Variants in MYZAP observed in about 807,000 individuals in gnomAD.
The protein encoded by MYZAP is GRINL1A complex locus upstream.
Under a neutral mutation model 69.4 loss-of-function variants are expected in MYZAP, and 66 were observed. The observed-to-expected ratio is 0.95, with a 90% CI of 0.78 to 1.17. The LOEUF (loss-of-function observed/expected upper bound fraction) is 1.17. Among genes scored for constraint, MYZAP ranks in the 50% most tolerant of loss-of-function variants. MYZAP has a pLI of 0.00. For missense variants in MYZAP, 611 were observed against 556.2 expected, an observed-to-expected ratio of 1.10 and a Z score of -0.99; for synonymous variants, 256 against 205.9, an observed-to-expected ratio of 1.24 and a Z score of -2.09.
chr15:57,684,340 T>G (rs2039587368), intron 12 of MYZAP, 62 bp from the exon 13 acceptor site: 1 of 1,039,440 alleles, frequency 9.6e-7, no homozygotes, highest in Non-Finnish European at 1.5e-6. Context: ...TCTTACCATG[T>G]GAAGCATATG....
intron 10 of MYZAP, among the ~76,000 whole-genome samples, chr15:57,640,954 A>G (rs1264325742): frequency 1.3e-5 from 2 of 152,190 alleles, no homozygotes; most frequent in Admixed American, 1.3e-4. Flanking sequence ...TGTATTTTCC[A>G]AGGAAAAGCA....
At chr15:57,673,455 CGTGCATGCGTGT>C (rs1296400348) in intron 11 of MYZAP, among the ~76,000 whole-genome samples, 21 of 137,584 alleles carry the variant, frequency 1.5e-4, no homozygotes, top group African/African-American at 5.5e-4. Context: ...TGTGCGCATG[CGTGCATGCGTGT>C]GTGTGTGTGT....
At chr15:57,658,367 G>T (rs1263798959) in intron 10 of MYZAP, among the ~76,000 whole-genome samples, 1 of 152,042 alleles carries the variant, frequency 6.6e-6, no homozygotes, top group African/African-American at 2.4e-5. Context: ...CAAAATTAAT[G>T]ATAATTCCTT....
At chr15:57,681,831 G>T (rs1039008552) in intron 12 of MYZAP, among the ~76,000 whole-genome samples, 1 of 152,016 alleles carries the variant, frequency 6.6e-6, no homozygotes, top group Non-Finnish European at 1.5e-5. Flanking sequence ...TAATAGTGAT[G>T]TTCAAGGTGT....
intron 11 of MYZAP, among the ~76,000 whole-genome samples, chr15:57,666,717 A>G (rs1409269344): frequency 6.6e-6 from 1 of 152,142 alleles, no homozygotes; most frequent in Non-Finnish European, 1.5e-5. Flanking sequence ...CCTACTAGGT[A>G]CTATGCTTAT....
intron 4 of MYZAP, among the ~76,000 whole-genome samples, chr15:57,625,022 GACAGCAGCAACA>G (rs2036042606): frequency 6.6e-6 from 1 of 151,198 alleles, no homozygotes; most frequent in African/African-American, 2.4e-5. Context: ...ACCCAACAAA[GACAGCAGCAACA>G]ACAGCAGCAA....
intron 3 of MYZAP, among the ~76,000 whole-genome samples, chr15:57,620,758 A>T (rs920123658): frequency 1.7e-4 from 26 of 152,132 alleles, no homozygotes; most frequent in Non-Finnish European, 3.1e-4. Context: ...GTCAGGGCCG[A>T]TAGAGGGAAA....
chr15:57,660,923 CTT>C (rs2038263824), intron 10 of MYZAP, among the ~76,000 whole-genome samples: 1 of 152,176 alleles, frequency 6.6e-6, no homozygotes, highest in South Asian at 2.1e-4. Flanking sequence ...AATTTCAACA[CTT>C]TTAATGAGAC....
At chr15:57,666,639 TG>T (rs1187112803) in intron 11 of MYZAP, among the ~76,000 whole-genome samples, 1 of 151,794 alleles carries the variant, frequency 6.6e-6, no homozygotes, top group East Asian at 1.9e-4. Flanking sequence ...GACATAAACA[TG>T]GGAACGATAA....
chr15:57,635,593 A>G (rs1439229317), intron 8 of MYZAP, among the ~76,000 whole-genome samples: 1 of 152,212 alleles, frequency 6.6e-6, no homozygotes, highest in Non-Finnish European at 1.5e-5. Context: ...TTGGAAATGT[A>G]TTGTCCTTTC....
intron 1 of MYZAP, among the ~76,000 whole-genome samples, chr15:57,600,377 T>C (rs1292374051): frequency 6.6e-6 from 1 of 152,254 alleles, no homozygotes; most frequent in Non-Finnish European, 1.5e-5. Context: ...CAAATGTCTT[T>C]GAGGTCATAT....
At chr15:57,626,027 A>G (rs1183519899) in intron 5 of MYZAP, 135 bp downstream of exon 5, 13 of 774,342 alleles carry the variant, frequency 1.7e-5, no homozygotes, top group Non-Finnish European at 2.8e-5. Flanking sequence ...CACTGTGAAG[A>G]CTGTGCCCAG....
chr15:57,617,695 G>A (rs1286367135), intron 2 of MYZAP, among the ~76,000 whole-genome samples: 2 of 152,206 alleles, frequency 1.3e-5, no homozygotes, highest in African/African-American at 4.8e-5. Flanking sequence ...GGGAAAGACA[G>A]CATTATTAAG....
At chr15:57,615,442 G>A (rs140976495) in intron 2 of MYZAP, among the ~76,000 whole-genome samples, 2,722 of 152,236 alleles carry the variant, frequency 0.018, 39 homozygotes, top group Non-Finnish European at 0.026. Flanking sequence ...TCCCTGCTCC[G>A]TGGCGGCTTC....
chr15:57,639,396 CT>C (rs1773436061), intron 9 of MYZAP, 43 bp from the exon 10 acceptor site: 3 of 1,601,442 alleles, frequency 1.9e-6, no homozygotes, highest in Admixed American at 1.7e-5. Context: ...GCTGTTGCTG[CT>C]TTGGTTTAGG....
chr15:57,643,957 G>T (rs1209787534), intron 10 of MYZAP, among the ~76,000 whole-genome samples: 1 of 152,172 alleles, frequency 6.6e-6, no homozygotes, highest in African/African-American at 2.4e-5. Flanking sequence ...CTATAATTGA[G>T]ATGTTTAATA....
At chr15:57,625,659 T>C (rs2036086572) in intron 4 of MYZAP, 120 bp from the exon 5 acceptor site, 1 of 854,468 alleles carries the variant, frequency 1.2e-6, no homozygotes, top group Admixed American at 2.1e-5. Flanking sequence ...ATTTAAAGCT[T>C]TACTTTAGAT....
intron 8 of MYZAP, among the ~76,000 whole-genome samples, chr15:57,635,679 T>C (rs1346623164): frequency 6.6e-6 from 1 of 152,270 alleles, no homozygotes; most frequent in African/African-American, 2.4e-5. Context: ...CAATTTACAC[T>C]GTTTCCTTTT....
chr15:57,632,355 C>T, intron 6 of MYZAP, 79 bp from the exon 7 acceptor site: 1 of 1,594,476 alleles, frequency 6.3e-7, no homozygotes, highest in Non-Finnish European at 8.5e-7. Context: ...TGTGAGTCCC[C>T]ACATGAAATG....
Sources: allele counts gnomAD v4.1 joint callset (sites outside exome capture counted in the v4.1 genomes callset), GRCh38; gene constraint gnomAD v4.1.1; transcripts MANE v1.5; gene names NCBI Gene and HGNC (gene_info 2026-07-23, HGNC 2026-07-21).